Variants in KIAA1217 observed in about 807,000 individuals in gnomAD.
KIAA1217 encodes the protein sickle tail protein homolog.
Under a neutral mutation model 163.9 loss-of-function variants are expected in KIAA1217, and 88 were observed. That is an observed-to-expected ratio of 0.54 (90% CI 0.45 to 0.64). The LOEUF (loss-of-function observed/expected upper bound fraction) is 0.64. Among genes scored for constraint, KIAA1217 ranks in the 30% least tolerant of loss-of-function variants. KIAA1217 has a pLI of 0.00. For synonymous variants in KIAA1217, 903 were observed against 923.1 expected, an observed-to-expected ratio of 0.98 and a Z score of 0.39; for missense variants, 2,372 against 2,475.0, an observed-to-expected ratio of 0.96 and a Z score of 0.88.
chr10:24,473,996 C>G lies in KIAA1217; in HGVS notation c.1615C>G (p.Pro539Ala). The G allele has an allele frequency of 6.2e-7, 1 of 1,612,984 alleles. No individual in the cohort carries two copies. The highest frequency in any genetic ancestry group is 8.5e-7 in the Non-Finnish European group (1 of 1,179,312). Residue 539 changes from proline (P) to alanine (A), a missense_variant, in exon 6 of 21, where the codon CCT (proline) becomes GCT (alanine). Pro to Ala is a conservative substitution (Grantham distance 27). Coordinates refer to ENST00000376454, the MANE Select transcript of KIAA1217 (RefSeq NM_019590.5). ...ATCCAGCCTTGTAGACCTCGGCCCTCCTCTAATGGAGAAGCAAGTTTTTGC... is the reference window on the plus strand; with the variant it reads ...ATCCAGCCTTGTAGACCTCGGCCCTGCTCTAATGGAGAAGCAAGTTTTTGC... ...GLSSLVDLGPPLMEKQVFAYS... is the reference protein window; with the variant it reads ...GLSSLVDLGPALMEKQVFAYS...
chr10:23,788,458 C>G (rs1293006550), intron 1 of KIAA1217, among the ~76,000 whole-genome samples: 1 of 152,152 alleles, frequency 6.6e-6, no homozygotes, highest in Admixed American at 6.5e-5. Context: ...CAGTACCATT[C>G]TCCAGATGCC....
chr10:23,998,470 G>A (rs1018889090), intron 1 of KIAA1217, among the ~76,000 whole-genome samples: 2 of 152,192 alleles, frequency 1.3e-5, no homozygotes, highest in Non-Finnish European at 2.9e-5. Context: ...AAATACATGG[G>A]AGGCCAATGG....
intron 1 of KIAA1217, among the ~76,000 whole-genome samples, chr10:23,718,722 A>G (rs976607995): frequency 2.0e-5 from 3 of 152,134 alleles, no homozygotes; most frequent in African/African-American, 7.2e-5. Context: ...CATATTCTTT[A>G]CAATATTTTC....
chr10:24,350,841 A>AAT (rs1554826015), intron 2 of KIAA1217, among the ~76,000 whole-genome samples: 1 of 151,494 alleles, frequency 6.6e-6, no homozygotes, highest in Non-Finnish European at 1.5e-5. Context: ...AAAAAAAAAA[A>AAT]CAGCTAACTG....
intron 1 of KIAA1217, among the ~76,000 whole-genome samples, chr10:23,835,808 C>G (rs1170002425): frequency 6.6e-6 from 1 of 152,108 alleles, no homozygotes; most frequent in African/African-American, 2.4e-5. Context: ...TCACACCACA[C>G]TGCCATGAGA....
chr10:24,543,543 C>T lies in KIAA1217; in HGVS notation c.4273C>T (p.Arg1425Ter), dbSNP rs1194996754. ...CGATGCCAGAAAAGAGATGACCCCC[C>T]GACAAGAAGGGACTGACAATGAGGA... is the stretch of plus-strand genomic sequence containing the variant. ...NIDARKEMTP[R>*]QEGTDNEDPV... The change falls in exon 19 of 21, where the codon CGA (arginine) becomes TGA (stop). Residue 1425 changes from arginine to a stop codon, truncating the protein, a stop_gained. Transcript: ENST00000376454. LOFTEE classifies it high-confidence loss of function. 6 of 1,614,022 alleles carry T rather than the reference C, an allele frequency of 3.7e-6. No homozygotes were observed. The highest frequency in any genetic ancestry group is 4.5e-5 in the East Asian group (2 of 44,862).
rs779820815 is a variant in KIAA1217, at chr10:24,219,712, C to G, written c.157C>G (p.Arg53Gly). The G allele has an allele frequency of 6.2e-7, 1 of 1,613,918 alleles. No homozygotes were observed. The highest frequency in any genetic ancestry group is 2.2e-5 in the East Asian group (1 of 44,850). Reference protein sequence around the residue: ...TKERLSNGNSRGSVSKSSRNI... With the variant: ...TKERLSNGNSGGSVSKSSRNI... Reference sequence around the variant, plus strand: ...GGAACGCCTTTCTAATGGAAACAGTCGTGGTTCAGTTTCCAAGTCTTCCCG... The same window carrying G: ...GGAACGCCTTTCTAATGGAAACAGTGGTGGTTCAGTTTCCAAGTCTTCCCG... The change falls in exon 2 of 21, where the codon CGT becomes GGT. Residue 53 changes from arginine (R) to glycine (G), a missense_variant. By Grantham distance (125) the Arg-to-Gly change is moderately radical (BLOSUM62 -2). Transcript: ENST00000376454.
intron 1 of KIAA1217, among the ~76,000 whole-genome samples, chr10:23,748,228 C>T (rs1199418615): frequency 1.3e-5 from 2 of 152,108 alleles, no homozygotes; most frequent in African/African-American, 4.8e-5. Flanking sequence ...TCCTAGTGAA[C>T]AAAAGTCCTT....
At chr10:24,454,307 C>T (rs1425937141) in intron 5 of KIAA1217, among the ~76,000 whole-genome samples, 1 of 152,214 alleles carries the variant, frequency 6.6e-6, no homozygotes, top group East Asian at 1.9e-4. Context: ...AGCACTAACT[C>T]ACTCCATATT....
At chr10:24,078,240 A>G (rs993166218) in intron 2 of KIAA1217, among the ~76,000 whole-genome samples, 2 of 152,160 alleles carry the variant, frequency 1.3e-5, no homozygotes, top group African/African-American at 4.8e-5. Context: ...TTATTCAGGG[A>G]AGGATTTCAC....
intron 1 of KIAA1217, among the ~76,000 whole-genome samples, chr10:23,996,672 T>A (rs573615209): frequency 8.5e-5 from 13 of 152,350 alleles, no homozygotes; most frequent in Admixed American, 7.2e-4. Flanking sequence ...TAATTGGAAC[T>A]AATACTAATC....
intron 2 of KIAA1217, among the ~76,000 whole-genome samples, chr10:24,288,035 G>C (rs1320319943): frequency 6.6e-6 from 1 of 152,178 alleles, no homozygotes; most frequent in Non-Finnish European, 1.5e-5. Context: ...TAATCCTGCA[G>C]GTTGAAACTT....
Position 24,471,603 on chromosome 10 carries a change from C to T in KIAA1217, c.847-1625C>T, listed in dbSNP as rs552392802. Reference sequence around the variant, plus strand: ...GTAAAAAAAAAAATCAGTGTAGAGGCCAGGTGCAGTGGCTCATGCCTATAA... The same window carrying T: ...GTAAAAAAAAAAATCAGTGTAGAGGTCAGGTGCAGTGGCTCATGCCTATAA... On this transcript the variant is annotated intron_variant, in intron 5 of 20. Transcript: ENST00000376454. 8.3e-4 allele frequency among the ~76,000 whole-genome samples: 126 copies of T among 152,026 alleles called. 1 individual carries two copies. The highest frequency in any genetic ancestry group is 2.9e-3 in the African/African-American group (122 of 41,472).
chr10:24,347,586 AT>A (rs887576355), intron 2 of KIAA1217, among the ~76,000 whole-genome samples: 1 of 152,008 alleles, frequency 6.6e-6, no homozygotes, highest in Non-Finnish European at 1.5e-5. Context: ...CACAAGTTTT[AT>A]TTTTTTTAAT....
chr10:24,135,058 C>T (rs2063784018), intron 2 of KIAA1217, among the ~76,000 whole-genome samples: 1 of 152,192 alleles, frequency 6.6e-6, no homozygotes, highest in African/African-American at 2.4e-5. Flanking sequence ...CCTTTTCTGA[C>T]AGGCAGCTCC....
chr10:24,254,915 G>A (rs1038490305), intron 2 of KIAA1217, among the ~76,000 whole-genome samples: 11 of 151,340 alleles, frequency 7.3e-5, no homozygotes, highest in East Asian at 3.9e-4. Context: ...GTGCAATGAC[G>A]TAATCTTGGC....
intron 9 of KIAA1217, among the ~76,000 whole-genome samples, chr10:24,504,794 C>T (rs765700108): frequency 4.7e-4 from 71 of 152,118 alleles, no homozygotes; most frequent in Non-Finnish European, 7.8e-4. Context: ...ATTTCATTTT[C>T]AAAACTGATG....
At chr10:24,444,067 G>A (rs1399405370) in intron 5 of KIAA1217, among the ~76,000 whole-genome samples, 2 of 152,048 alleles carry the variant, frequency 1.3e-5, no homozygotes, top group African/African-American at 2.4e-5. Flanking sequence ...CTGGAGTGCA[G>A]TGGTGCGATC....
intron 9 of KIAA1217, among the ~76,000 whole-genome samples, chr10:24,512,579 T>C (rs887846353): frequency 2.6e-5 from 4 of 152,180 alleles, no homozygotes; most frequent in African/African-American, 7.2e-5. Context: ...TCTAGAGAAA[T>C]TCATAAATTG....
Sources: allele counts gnomAD v4.1 joint callset (sites outside exome capture counted in the v4.1 genomes callset), GRCh38; gene constraint gnomAD v4.1.1; transcripts MANE v1.5; gene names NCBI Gene and HGNC (gene_info 2026-07-23, HGNC 2026-07-21).